FRMPD4: variants seen among roughly 807,000 people sequenced by gnomAD.
FRMPD4 encodes FERM and PDZ domain containing 4.
FRMPD4 carries 22 observed loss-of-function variants against 94.1 expected under a neutral mutation model. The observed-to-expected ratio is 0.23, with a 90% CI of 0.17 to 0.33. FRMPD4 has a LOEUF of 0.33. Among genes scored for constraint, FRMPD4 ranks in the 10% least tolerant of loss-of-function variants. The pLI is 1.00. For synonymous variants in FRMPD4, 631 were observed against 548.6 expected (o/e 1.15, Z -2.10); for missense variants, 1,111 against 1,339.9 (o/e 0.83, Z 2.67).
At chrX:12,286,336 A>C (rs745578852) in intron 1 of FRMPD4, among the ~76,000 whole-genome samples, 13 of 111,333 alleles carry the variant, frequency 1.2e-4, no homozygotes, top group Non-Finnish European at 2.4e-4. Flanking sequence ...ATATAAAAAT[A>C]CTCATTGTAA....
chrX:12,517,175 G>A (rs933806192), intron 2 of FRMPD4, among the ~76,000 whole-genome samples: 1 of 110,803 alleles, frequency 9.0e-6, no homozygotes, highest in African/African-American at 3.3e-5. Flanking sequence ...AGCAAAGTTC[G>A]TTATTACCCA....
At chrX:11,992,597 C>G in intron 3 of FRMPD4, among the ~76,000 whole-genome samples, 1 of 111,601 alleles carries the variant, frequency 9.0e-6, no homozygotes, top group Middle Eastern at 4.6e-3. Flanking sequence ...TTACATCAAT[C>G]TTTAAAAAAA....
In FRMPD4 at chrX:12,270,619, A is replaced by G. The variant is rs748918562; in HGVS notation, c.41+131607A>G. On this transcript the variant is annotated intron_variant, in intron 1 of 16. Coordinates refer to ENST00000675598, the MANE Select transcript of FRMPD4 (RefSeq NM_001368397.1). ...TATATACATATATGTGTGTATCTAC[A>G]TATGCATATGTGTATATATCCACAT... Among the ~76,000 whole-genome samples, 13 of 112,127 alleles carry G rather than the reference A, an allele frequency of 1.2e-4. No homozygotes were observed. The East Asian group carries it at 3.6e-3, about 31-fold the overall frequency.
intron 4 of FRMPD4, among the ~76,000 whole-genome samples, chrX:12,654,536 G>GTA (rs1171079496): frequency 8.9e-6 from 1 of 111,836 alleles, no homozygotes; most frequent in African/African-American, 3.3e-5. Flanking sequence ...ACTGATATAT[G>GTA]TATATATATA....
intron 1 of FRMPD4, among the ~76,000 whole-genome samples, chrX:12,139,333 G>A (rs1246290519): frequency 1.8e-5 from 2 of 111,324 alleles, no homozygotes; most frequent in Admixed American, 1.9e-4. Context: ...AGAGAAGATG[G>A]TTGTAATTGC....
intron 3 of FRMPD4, among the ~76,000 whole-genome samples, chrX:11,996,950 G>A (rs1220708916): frequency 1.8e-5 from 2 of 111,648 alleles, no homozygotes; most frequent in African/African-American, 6.5e-5. Flanking sequence ...TAAAAAGTCT[G>A]GAGAGGGTGA....
chrX:12,248,247 C>T (rs1380408431), intron 1 of FRMPD4, among the ~76,000 whole-genome samples: 1 of 112,283 alleles, frequency 8.9e-6, no homozygotes, highest in Non-Finnish European at 1.9e-5. Flanking sequence ...TGAACAAAAG[C>T]AAAAACAAGA....
At chrX:12,415,212 C>T (rs975321900) in intron 1 of FRMPD4, among the ~76,000 whole-genome samples, 1 of 111,768 alleles carries the variant, frequency 8.9e-6, no homozygotes, top group East Asian at 2.8e-4. Context: ...TTGGAATCAT[C>T]GTGGAGGCAC....
intron 2 of FRMPD4, among the ~76,000 whole-genome samples, chrX:12,533,692 C>A (rs1215630190): frequency 8.9e-6 from 1 of 111,855 alleles, no homozygotes; most frequent in Non-Finnish European, 1.9e-5. Context: ...TTGCCCCTGC[C>A]CTAGAGATTT....
intron 3 of FRMPD4, among the ~76,000 whole-genome samples, chrX:12,069,622 G>A (rs1481962694): frequency 9.0e-6 from 1 of 111,612 alleles, no homozygotes; most frequent in African/African-American, 3.3e-5. Flanking sequence ...AGAAAGGTCA[G>A]TGGGTGGAAG....
At chrX:12,101,914 A>G (rs1447089902) in intron 3 of FRMPD4, among the ~76,000 whole-genome samples, 1 of 112,247 alleles carries the variant, frequency 8.9e-6, no homozygotes, top group African/African-American at 3.2e-5. Context: ...CTGTATTTTT[A>G]TATACTGGTG....
chrX:12,380,539 T>C (rs2056304362), intron 1 of FRMPD4, among the ~76,000 whole-genome samples: 1 of 112,225 alleles, frequency 8.9e-6, no homozygotes, highest in Non-Finnish European at 1.9e-5. Flanking sequence ...CAATTTAGTT[T>C]CTGTCATGGG....
intron 1 of FRMPD4, among the ~76,000 whole-genome samples, chrX:12,336,664 G>A (rs183757268): frequency 2.7e-5 from 3 of 110,970 alleles, no homozygotes; most frequent in East Asian, 2.8e-4. Context: ...AAAGGCCAAC[G>A]GACCTTTCTC....
At chrX:12,531,535 C>T (rs914206040) in intron 2 of FRMPD4, among the ~76,000 whole-genome samples, 1 of 111,630 alleles carries the variant, frequency 9.0e-6, no homozygotes, top group Non-Finnish European at 1.9e-5. Flanking sequence ...TGAGGCCTGG[C>T]TGGGGCTTGA....
chrX:12,677,895 T>C (rs1343562817), intron 5 of FRMPD4, among the ~76,000 whole-genome samples: 1 of 111,885 alleles, frequency 8.9e-6, no homozygotes, highest in African/African-American at 3.2e-5. Flanking sequence ...AAAAGTATTA[T>C]GGTAGGCTTT....
chrX:12,133,838 A>G (rs1383276265), upstream of FRMPD4, among the ~76,000 whole-genome samples: 1 of 111,568 alleles, frequency 9.0e-6, no homozygotes, highest in Non-Finnish European at 1.9e-5. Context: ...GGTCATTCAA[A>G]ACATAAGTCA....
intron 1 of FRMPD4, among the ~76,000 whole-genome samples, chrX:12,389,200 G>A (rs12399218): frequency 0.25 from 27,045 of 109,169 alleles, 2,752 homozygotes; most frequent in Non-Finnish European, 0.31. Context: ...GTGGCTGGGC[G>A]CGGTGGATCA....
intron 3 of FRMPD4, among the ~76,000 whole-genome samples, chrX:12,077,534 G>T (rs1275358546): frequency 9.0e-6 from 1 of 111,579 alleles, no homozygotes; most frequent in Non-Finnish European, 1.9e-5. Flanking sequence ...TCAGGCCAAG[G>T]CATGCCATTT....
intron 4 of FRMPD4, among the ~76,000 whole-genome samples, chrX:12,649,059 A>G (rs1264656106): frequency 1.8e-5 from 2 of 112,204 alleles, no homozygotes; most frequent in Non-Finnish European, 3.8e-5. Flanking sequence ...CACCCCAGGC[A>G]AGAGGCAGTA....
Sources: allele counts gnomAD v4.1 joint callset (sites outside exome capture counted in the v4.1 genomes callset), GRCh38; gene constraint gnomAD v4.1.1; transcripts MANE v1.5; gene names NCBI Gene and HGNC (gene_info 2026-07-23, HGNC 2026-07-21).